Variants in TENM4 observed in about 807,000 individuals in gnomAD.
TENM4 encodes teneurin transmembrane protein 4, also known as teneurin-4.
TENM4 carries 82 observed loss-of-function variants against 243.3 expected under a neutral mutation model. The observed-to-expected ratio is 0.34, with a 90% CI of 0.28 to 0.40. TENM4 has a LOEUF of 0.40. Ranked by LOEUF, TENM4 falls within the 10% of genes least tolerant of loss-of-function variation. The pLI, the probability that TENM4 is intolerant of heterozygous loss-of-function variation, is 1.00. For missense variants in TENM4, 3,138 were observed against 3,673.3 expected (o/e 0.85, Z 3.77); for synonymous variants, 1,412 against 1,456.3 (o/e 0.97, Z 0.69).
chr11:79,300,054 C>A (rs1212762615), intron 1 of TENM4, among the ~76,000 whole-genome samples: 1 of 152,240 alleles, frequency 6.6e-6, no homozygotes, highest in Non-Finnish European at 1.5e-5. Context: ...TCCCACCAAC[C>A]TGAGTCAGAA....
chr11:79,168,679 C>G (rs1862973241), intron 3 of TENM4, among the ~76,000 whole-genome samples: 1 of 152,138 alleles, frequency 6.6e-6, no homozygotes, highest in Admixed American at 6.5e-5. Flanking sequence ...AATTCTTCCC[C>G]CCTTATATCC....
rs140849771 is a variant in TENM4 at position 79,194,336 on chromosome 11, A to T, written c.-163+21472T>A. On this transcript the variant is annotated intron_variant, in intron 3 of 33. Transcript: ENST00000278550. ...GGGCATTGCTGAAAAGATACCTGAA[A>T]ATGTGGAAGCAGCTTTGGAACTATG... Among the ~76,000 whole-genome samples, 21 of 151,996 alleles carry T rather than the reference A, an allele frequency of 1.4e-4. No homozygotes were observed. In the East Asian group the frequency reaches 3.1e-3, roughly 23 times the overall value.
intron 2 of TENM4, among the ~76,000 whole-genome samples, chr11:79,289,525 C>A (rs74428432): frequency 1.3e-5 from 2 of 152,240 alleles, no homozygotes; most frequent in Middle Eastern, 3.2e-3. Context: ...CAATGTGAGA[C>A]ATCTGAAGAC....
intron 9 of TENM4, among the ~76,000 whole-genome samples, chr11:78,872,888 T>G (rs1226042497): frequency 6.6e-6 from 1 of 151,890 alleles, no homozygotes; most frequent in Non-Finnish European, 1.5e-5. Flanking sequence ...TCAAATGGAG[T>G]TTTAATTTGT....
chr11:78,724,389 G>A (rs1489949880), intron 23 of TENM4, among the ~76,000 whole-genome samples: 1 of 152,180 alleles, frequency 6.6e-6, no homozygotes, highest in East Asian at 1.9e-4. Context: ...ACGGTGCCTG[G>A]CCTTTTAAAT....
intron 1 of TENM4, among the ~76,000 whole-genome samples, chr11:79,334,188 G>T (rs1857110153): frequency 2.0e-5 from 3 of 152,192 alleles, no homozygotes; most frequent in Non-Finnish European, 4.4e-5. Context: ...CTGCTTTCCA[G>T]GTAAAGAACT....
intron 2 of TENM4, among the ~76,000 whole-genome samples, chr11:79,269,985 C>T (rs1462640771): frequency 1.3e-5 from 2 of 152,182 alleles, no homozygotes; most frequent in South Asian, 2.1e-4. Context: ...TTCCTCCCTC[C>T]ACTCCCAGCA....
At chr11:79,017,599 G>A (rs1858813645) in intron 6 of TENM4, among the ~76,000 whole-genome samples, 2 of 152,160 alleles carry the variant, frequency 1.3e-5, no homozygotes, top group Admixed American at 1.3e-4. Context: ...GGGAGAAGTG[G>A]AACTAATACT....
chr11:78,940,236 T>C (rs1856862660), intron 6 of TENM4, among the ~76,000 whole-genome samples: 1 of 152,338 alleles, frequency 6.6e-6, no homozygotes, highest in South Asian at 2.1e-4. Flanking sequence ...CTTTCAAATA[T>C]TATTTGAAAA....
intron 15 of TENM4, among the ~76,000 whole-genome samples, chr11:78,798,683 C>T (rs890841500): frequency 1.3e-5 from 2 of 152,106 alleles, no homozygotes; most frequent in African/African-American, 4.8e-5. Context: ...GACTGAGCCG[C>T]GACTGTCCAG....
chr11:79,387,274 G>C (rs1161032743), intron 1 of TENM4, among the ~76,000 whole-genome samples: 2 of 152,160 alleles, frequency 1.3e-5, no homozygotes, highest in East Asian at 1.9e-4. Context: ...AGACTGGGAG[G>C]GGGGATCACA....
intron 4 of TENM4, among the ~76,000 whole-genome samples, chr11:79,094,796 G>C (rs2137061211): frequency 6.6e-6 from 1 of 152,282 alleles, no homozygotes; most frequent in Admixed American, 6.5e-5. Context: ...CCTACTGCAA[G>C]AAGATCAAGG....
At position 79,395,221 on chromosome 11, in the gene TENM4, C is replaced by T. The variant is rs564198935; in HGVS notation, c.-321+45288G>A. On this transcript the variant is annotated intron_variant, in intron 1 of 33. Transcript: ENST00000278550. ...TCCTACATCTCCTGCCATCTCTTCA[C>T]ATCAGCTATTTTCCTTCCAGTCCCT... Among the ~76,000 whole-genome samples the T allele has an allele frequency of 2.6e-5, 4 of 152,344 alleles. No individual in the cohort carries two copies. The South Asian group carries it at 8.3e-4, about 32-fold the overall frequency.
intron 3 of TENM4, among the ~76,000 whole-genome samples, chr11:79,209,834 A>T (rs548793281): frequency 6.6e-6 from 1 of 152,332 alleles, no homozygotes; most frequent in Non-Finnish European, 1.5e-5. Flanking sequence ...CAAGACAGGC[A>T]GGCCTGGCTT....
At chr11:78,775,155 G>C (rs77198865) in intron 17 of TENM4, among the ~76,000 whole-genome samples, 2,711 of 152,234 alleles carry the variant, frequency 0.018, 92 homozygotes, top group African/African-American at 0.063. Flanking sequence ...CTGCTTATTC[G>C]ATTACTAGAG....
At chr11:79,069,647 C>G (rs1860354207) in intron 5 of TENM4, 75 bp downstream of exon 5, 1 of 1,472,074 alleles carries the variant, frequency 6.8e-7, no homozygotes, top group Admixed American at 2.3e-5. Context: ...ACCTGCGCCA[C>G]GCCCACCCGA....
chr11:79,229,276 T>C (rs919902532), intron 2 of TENM4, among the ~76,000 whole-genome samples: 1 of 152,254 alleles, frequency 6.6e-6, no homozygotes, highest in Non-Finnish European at 1.5e-5. Flanking sequence ...ATCTACGCAG[T>C]CTCTGCTAGC....
At chr11:78,882,851 T>C (rs1855460661) in intron 9 of TENM4, among the ~76,000 whole-genome samples, 1 of 152,222 alleles carries the variant, frequency 6.6e-6, no homozygotes, top group Non-Finnish European at 1.5e-5. Flanking sequence ...CTATCACCAC[T>C]TCAAGCAAGG....
At chr11:79,180,216 T>A (rs1365938907) in intron 3 of TENM4, among the ~76,000 whole-genome samples, 1 of 151,616 alleles carries the variant, frequency 6.6e-6, no homozygotes, top group Non-Finnish European at 1.5e-5. Flanking sequence ...TGAGAGCAGA[T>A]CCCTGGAACC....
Sources: allele counts gnomAD v4.1 joint callset (sites outside exome capture counted in the v4.1 genomes callset), GRCh38; gene constraint gnomAD v4.1.1; transcripts MANE v1.5; gene names NCBI Gene and HGNC (gene_info 2026-07-23, HGNC 2026-07-21).